The following PTN variants were observed in gnomAD, a reference collection of about 807,000 sequenced individuals.
PTN encodes the protein heparin affin regulatory protein.
A neutral mutation model predicts 24.1 loss-of-function variants in PTN; 18 were observed. That is an observed-to-expected ratio of 0.75 (90% CI 0.52 to 1.11). The LOEUF is 1.11. PTN is among the 50% of genes least tolerant of loss of function. PTN has a pLI of 0.00. For synonymous variants in PTN, 78 were observed against 68.6 expected, an observed-to-expected ratio of 1.14 and a Z score of -0.67; for missense variants, 163 against 198.8, an observed-to-expected ratio of 0.82 and a Z score of 1.08.
chr7:137,319,682 T>C (rs1810131670), intron 1 of PTN, among the ~76,000 whole-genome samples: 2 of 152,304 alleles, frequency 1.3e-5, no homozygotes, highest in South Asian at 4.1e-4. Flanking sequence ...TTCAAACCTG[T>C]ACAGATGAGA....
chr7:137,280,729 G>A lies in PTN; in HGVS notation c.-1-25755C>T, dbSNP rs199789784. On this transcript the variant is annotated intron_variant, in intron 1 of 4. Transcript: ENST00000348225. Reference sequence around the variant, plus strand: ...AAAAAAAAAAAAAAAAAAAAAAGCTGAGTGTGGTGGCACGTGCCTGTAATC... The same window carrying A: ...AAAAAAAAAAAAAAAAAAAAAAGCTAAGTGTGGTGGCACGTGCCTGTAATC... Among the ~76,000 whole-genome samples, 34 of 31,076 alleles carry A rather than the reference G, an allele frequency of 1.1e-3. 1 individual carries two copies. The East Asian group carries it at 0.046, about 42-fold the overall frequency. The allele number at this position is 31,076 out of a possible 152,430, so 20.4% of individuals were successfully genotyped here.
At chr7:137,292,271 T>C (rs560673073) in intron 1 of PTN, among the ~76,000 whole-genome samples, 4 of 152,282 alleles carry the variant, frequency 2.6e-5, no homozygotes, top group South Asian at 4.1e-4. Context: ...TTTAATCATT[T>C]CTAGATTATT....
chr7:137,270,292 T>C (rs1464547218), intron 1 of PTN, among the ~76,000 whole-genome samples: 1 of 152,234 alleles, frequency 6.6e-6, no homozygotes, highest in African/African-American at 2.4e-5. Flanking sequence ...AGGCCAAAGA[T>C]TTAACTTCCC....
In PTN at chr7:137,303,590, T is replaced by A. The variant is rs182432100; in HGVS notation, c.-2+39849A>T. ...TTATTAAACACTGTAGATGTCTGTG[T>A]TATTGGCATAAAGACAAATAAAATG... On this transcript the variant is annotated intron_variant, in intron 1 of 4. Coordinates refer to ENST00000348225, the MANE Select transcript of PTN (RefSeq NM_002825.7). Among the ~76,000 whole-genome samples, 84 of 152,136 alleles carry A rather than the reference T, an allele frequency of 5.5e-4. 1 individual carries two copies. Among genetic ancestry groups the A allele is most frequent in the African/African-American group, 2.0e-3 (81 of 41,536 alleles).
In PTN at chr7:137,251,360, T is replaced by A. The variant is rs1808823756; in HGVS notation, c.321A>T (p.Gly107=). The change falls in exon 4 of 5, where the codon GGA becomes GGT. Residue 107 remains glycine, a synonymous_variant. Coordinates refer to ENST00000348225, the MANE Select transcript of PTN (RefSeq NM_002825.7). ...AECKYQFQAW[G]ECDLNTALKT... is the part of the protein sequence containing the mutation. Reference sequence around the variant, plus strand: ...TCAGGGCTGTGTTCAGGTCACATTCTCCCCAGGCCTGGAACTGGTATTTGC... The same window carrying A: ...TCAGGGCTGTGTTCAGGTCACATTCACCCCAGGCCTGGAACTGGTATTTGC... The A allele has an allele frequency of 3.1e-6, 5 of 1,613,986 alleles. No homozygotes were observed. The highest frequency in any genetic ancestry group is 1.3e-5 in the African/African-American group (1 of 74,982).
At chr7:137,264,416 C>G (rs1042695480) in intron 1 of PTN, among the ~76,000 whole-genome samples, 1 of 152,138 alleles carries the variant, frequency 6.6e-6, no homozygotes, top group Non-Finnish European at 1.5e-5. Context: ...AAATGAGTCC[C>G]GCGATGAGTT....
intron 1 of PTN, among the ~76,000 whole-genome samples, chr7:137,316,222 G>A (rs924731468): frequency 6.6e-5 from 10 of 152,232 alleles, no homozygotes; most frequent in East Asian, 1.9e-4. Context: ...CAGACGATCC[G>A]TATCACCGTC....
At chr7:137,292,024 T>C (rs1288059089) in intron 1 of PTN, among the ~76,000 whole-genome samples, 1 of 152,150 alleles carries the variant, frequency 6.6e-6, no homozygotes, top group East Asian at 1.9e-4. Flanking sequence ...AGAATAAAAC[T>C]AGGATTCTGA....
intron 1 of PTN, among the ~76,000 whole-genome samples, chr7:137,336,741 G>A (rs546928971): frequency 6.6e-6 from 1 of 152,232 alleles, no homozygotes; most frequent in East Asian, 1.9e-4. Context: ...CAATTCAGGA[G>A]GGGGAAGAAG....
At chr7:137,247,222 T>C (rs1808738798) in intron 4 of PTN, among the ~76,000 whole-genome samples, 1 of 152,198 alleles carries the variant, frequency 6.6e-6, no homozygotes, top group Non-Finnish European at 1.5e-5. Flanking sequence ...ACCCCTATGT[T>C]TGTTGCAGCA....
At chr7:137,304,267 TG>T (rs1466899491) in intron 1 of PTN, among the ~76,000 whole-genome samples, 1 of 151,946 alleles carries the variant, frequency 6.6e-6, no homozygotes, top group African/African-American at 2.4e-5. Context: ...GGTTACAATA[TG>T]TTATCCACAG....
chr7:137,228,365 G>T (rs1808370536), intron 4 of PTN, among the ~76,000 whole-genome samples: 2 of 151,700 alleles, frequency 1.3e-5, no homozygotes, highest in South Asian at 4.1e-4. Flanking sequence ...TATCTTACTG[G>T]TTGCCTTTGT....
chr7:137,335,199 TA>T lies in PTN; in HGVS notation c.-2+8239del, dbSNP rs894532532. ...CCTAAAACTTAAAGTATAATAATAA[TA>T]AAAAAAAAAGAATGAAGTTTTCTAA... On this transcript the variant is annotated intron_variant, in intron 1 of 4. Transcript: ENST00000348225. 7.2e-3 allele frequency among the ~76,000 whole-genome samples: 1,053 copies of T among 146,184 alleles called. 10 individuals are homozygous for T. The highest frequency in any genetic ancestry group is 0.025 in the African/African-American group (975 of 39,738).
intron 1 of PTN, among the ~76,000 whole-genome samples, chr7:137,260,853 A>G (rs1454748263): frequency 1.2e-4 from 18 of 152,198 alleles, no homozygotes; most frequent in Admixed American, 1.2e-3. Flanking sequence ...CTTAATGAGT[A>G]TGGATGGGGG....
At chr7:137,336,758 C>T (rs1214975723) in intron 1 of PTN, among the ~76,000 whole-genome samples, 1 of 152,144 alleles carries the variant, frequency 6.6e-6, no homozygotes, top group Non-Finnish European at 1.5e-5. Flanking sequence ...GAAGTGAGGA[C>T]TTGCATCTGG....
chr7:137,284,374 A>C (rs1253371729), intron 1 of PTN, among the ~76,000 whole-genome samples: 1 of 151,690 alleles, frequency 6.6e-6, no homozygotes, highest in Non-Finnish European at 1.5e-5. Flanking sequence ...GAGGTCTTTT[A>C]TTTTTCTTTC....
chr7:137,295,370 C>T (rs1381718910), intron 1 of PTN, among the ~76,000 whole-genome samples: 2 of 151,886 alleles, frequency 1.3e-5, no homozygotes, highest in African/African-American at 2.4e-5. Flanking sequence ...GTAGCTCTGC[C>T]GAAATATCGA....
At chr7:137,321,029 G>T (rs570401718) in intron 1 of PTN, among the ~76,000 whole-genome samples, 1 of 152,154 alleles carries the variant, frequency 6.6e-6, no homozygotes, top group Non-Finnish European at 1.5e-5. Flanking sequence ...AATGTACTTT[G>T]TGTCCACAGG....
At position 137,316,316 on chromosome 7, in the gene PTN, T is replaced by C. The variant is rs141291136; in HGVS notation, c.-2+27123A>G. 2.5e-3 allele frequency among the ~76,000 whole-genome samples: 381 copies of C among 152,330 alleles called. 2 individuals are homozygous for C. Among genetic ancestry groups the C allele is most frequent in the African/African-American group, 8.2e-3 (341 of 41,570 alleles). On this transcript the variant is annotated intron_variant, in intron 1 of 4. Coordinates refer to ENST00000348225, the MANE Select transcript of PTN (RefSeq NM_002825.7). The stretch of plus-strand genomic sequence containing the variant: ...TCCATTCTCAGTCTCTCCATTCATT[T>C]CTGTGCAAACTTGGAGCAAGGTGCA...
Sources: allele counts gnomAD v4.1 joint callset (sites outside exome capture counted in the v4.1 genomes callset), GRCh38; gene constraint gnomAD v4.1.1; transcripts MANE v1.5; gene names NCBI Gene and HGNC (gene_info 2026-07-23, HGNC 2026-07-21).